The following XRCC5 variants were observed in gnomAD, a reference collection of about 807,000 sequenced individuals.
XRCC5 encodes DNA repair protein Ku80.
Under a neutral mutation model 95.7 loss-of-function variants are expected in XRCC5, and 12 were observed. The observed-to-expected ratio is 0.13, with a 90% CI of 0.08 to 0.20. The LOEUF (loss-of-function observed/expected upper bound fraction) is 0.20. Ranked by LOEUF, XRCC5 falls within the 10% of genes least tolerant of loss-of-function variation. The pLI, the probability that XRCC5 is intolerant of heterozygous loss-of-function variation, is 1.00. For missense variants in XRCC5, 595 were observed against 873.9 expected (o/e 0.68, Z 4.02); for synonymous variants, 281 against 290.3 (o/e 0.97, Z 0.33).
At chr2:216,114,432 G>C (rs1444485989) in intron 2 of XRCC5, among the ~76,000 whole-genome samples, 1 of 152,066 alleles carries the variant, frequency 6.6e-6, no homozygotes, top group African/African-American at 2.4e-5. Context: ...CTTGGTTATA[G>C]TTGTGTTGGT....
In XRCC5 at chr2:216,167,709, C is replaced by T. The variant is rs542630016; in HGVS notation, c.1834+5661C>T. Among the ~76,000 whole-genome samples the T allele has an allele frequency of 3.2e-4, 48 of 151,678 alleles. 2 individuals carry two copies. The South Asian group carries it at 9.6e-3, about 30-fold the overall frequency. The stretch of plus-strand genomic sequence containing the variant: ...GATAGATAAGAAGATAAAAATATGG[C>T]GTTTTTCTACACAGCGCTGGTAAAT... On this transcript the variant is annotated intron_variant, in intron 16 of 20. Coordinates refer to ENST00000392132, the MANE Select transcript of XRCC5 (RefSeq NM_021141.4).
chr2:216,139,665 G>C (rs1697143798), intron 12 of XRCC5, among the ~76,000 whole-genome samples: 1 of 152,060 alleles, frequency 6.6e-6, no homozygotes. Context: ...CGCCACCGTG[G>C]CTGGCTCATT....
chr2:216,159,361 TA>T (rs1439793524), intron 14 of XRCC5, among the ~76,000 whole-genome samples: 4 of 148,834 alleles, frequency 2.7e-5, no homozygotes, highest in African/African-American at 5.2e-5. Flanking sequence ...GACAGGCTGT[TA>T]AAGCCAGCAT....
chr2:216,146,731 A>AC (rs1688642903), intron 13 of XRCC5, among the ~76,000 whole-genome samples: 1 of 152,126 alleles, frequency 6.6e-6, no homozygotes, highest in Admixed American at 6.5e-5. Flanking sequence ...TAGGTGGTTG[A>AC]ATGAGGTGGC....
At chr2:216,179,648 G>A (rs946957869) in intron 16 of XRCC5, among the ~76,000 whole-genome samples, 2 of 152,152 alleles carry the variant, frequency 1.3e-5, no homozygotes, top group Non-Finnish European at 2.9e-5. Context: ...ATGTTCTTGA[G>A]AAGCTCAAGA....
intron 7 of XRCC5, among the ~76,000 whole-genome samples, chr2:216,126,766 T>C (rs1439319315): frequency 6.6e-6 from 1 of 152,182 alleles, no homozygotes; most frequent in Non-Finnish European, 1.5e-5. Context: ...TGTGAGAACC[T>C]TGGGGCAGTT....
intron 12 of XRCC5, among the ~76,000 whole-genome samples, chr2:216,140,956 C>T (rs944435284): frequency 6.6e-6 from 1 of 152,124 alleles, no homozygotes; most frequent in Non-Finnish European, 1.5e-5. Context: ...TTGTCAGAGG[C>T]TCACTGAATG....
At position 216,178,040 on chromosome 2, in the gene XRCC5, GAGTAATAAACAAAAAGAACAA is replaced by G; in HGVS notation, c.1835-12180_1835-12160del. On this transcript the variant is annotated intron_variant, in intron 16 of 20. Transcript: ENST00000392132. ...TTTCACCACTGCTCTTTAAGTATAT[GAGTAATAAACAAAAAGAACAA>G]AGTATGTGGTTCAGAAGGAATAAAA... is the stretch of plus-strand genomic sequence containing the variant. Among the ~76,000 whole-genome samples, 4 of 152,106 alleles carry G rather than the reference GAGTAATAAACAAAAAGAACAA, an allele frequency of 2.6e-5. No individual in the cohort carries two copies. In the South Asian group the frequency reaches 8.3e-4, roughly 32 times the overall value.
chr2:216,114,008 GGAGA>G (rs754077863), intron 2 of XRCC5, among the ~76,000 whole-genome samples: 1 of 152,094 alleles, frequency 6.6e-6, no homozygotes, highest in Non-Finnish European at 1.5e-5. Flanking sequence ...GCAAATACAA[GGAGA>G]GAAAGAACGG....
chr2:216,138,025 A>T (rs1288201809), intron 11 of XRCC5, 64 bp from the exon 12 acceptor site: 19 of 1,360,686 alleles, frequency 1.4e-5, no homozygotes, highest in Non-Finnish European at 2.0e-6. Context: ...AGAATTTGGG[A>T]TCAGTTTTAT....
chr2:216,174,987 G>A, intron 16 of XRCC5: 3 of 321,614 alleles, frequency 9.3e-6, no homozygotes, highest in South Asian at 6.3e-5. Flanking sequence ...CACCAAAACT[G>A]CACCCTTTAA....
intron 15 of XRCC5, among the ~76,000 whole-genome samples, chr2:216,161,085 A>G (rs946593194): frequency 2.2e-4 from 34 of 152,354 alleles, no homozygotes; most frequent in African/African-American, 7.9e-4. Flanking sequence ...TAGGAAGGAT[A>G]GTCAGGGAAT....
chr2:216,120,924 T>G (rs1332361020), intron 5 of XRCC5, among the ~76,000 whole-genome samples: 1 of 152,028 alleles, frequency 6.6e-6, no homozygotes, highest in Non-Finnish European at 1.5e-5. Context: ...TTAGTAGAGA[T>G]GGGGTTTTAC....
chr2:216,179,404 T>G (rs905157721), intron 16 of XRCC5, among the ~76,000 whole-genome samples: 10 of 152,062 alleles, frequency 6.6e-5, no homozygotes, highest in Non-Finnish European at 1.0e-4. Flanking sequence ...CGTTGTGAGG[T>G]TTTGGTAAGG....
At chr2:216,161,920 TG>T in intron 15 of XRCC5, 58 bp from the exon 16 acceptor site, 1 of 1,440,134 alleles carries the variant, frequency 6.9e-7, no homozygotes, top group Non-Finnish European at 9.8e-7. Flanking sequence ...TTGTATTGCC[TG>T]GGGTGCTGCT....
At chr2:216,168,191 C>T (rs563722616) in intron 16 of XRCC5, among the ~76,000 whole-genome samples, 4 of 152,174 alleles carry the variant, frequency 2.6e-5, no homozygotes, top group Non-Finnish European at 4.4e-5. Flanking sequence ...TTCATGTGGG[C>T]GGACTGAGGC....
In XRCC5 at chr2:216,142,611, T is replaced by C. The variant is rs151107049; in HGVS notation, c.1476+1292T>C. Among the ~76,000 whole-genome samples the C allele has an allele frequency of 4.3e-3, 653 of 152,256 alleles. 3 individuals are homozygous for C. The highest frequency in any genetic ancestry group is 0.015 in the African/African-American group (633 of 41,536). On this transcript the variant is annotated intron_variant, in intron 13 of 20. Coordinates refer to ENST00000392132, the MANE Select transcript of XRCC5 (RefSeq NM_021141.4). Reference sequence around the variant, plus strand: ...CCACAAAACTGAAAAAAAAATTATATAAGCAGCTTTTTAAGGCAAGCTGTT... The same window carrying C: ...CCACAAAACTGAAAAAAAAATTATACAAGCAGCTTTTTAAGGCAAGCTGTT...
Position 216,130,856 on chromosome 2 carries a change from C to G in XRCC5, c.938-19C>G, listed in dbSNP as rs201899282. The G allele has an allele frequency of 6.4e-7, 1 of 1,560,252 alleles. No individual in the cohort carries two copies. Among genetic ancestry groups the G allele is most frequent in the East Asian group, 2.2e-5 (1 of 44,474 alleles). On this transcript the variant is annotated intron_variant, in intron 8 of 20. Coordinates refer to ENST00000392132, the MANE Select transcript of XRCC5 (RefSeq NM_021141.4). ...TGAGGCCCCATATGCTTAACAGATG[C>G]TCTTCTCTTTTTCTCCAGGGTTCCG...
In XRCC5 at chr2:216,113,025, G is replaced by T. The variant is rs775220412; in HGVS notation, c.31G>T (p.Val11Leu). Residue 11 changes from valine (V) to leucine (L), a missense_variant, in exon 2 of 21, where the codon GTG becomes TTG. Val to Leu is a conservative substitution (Grantham distance 32, BLOSUM62 1). This residue lies in a region of XRCC5 where 286 missense variants were observed against 491.1 expected (regional missense o/e 0.58). Transcript: ENST00000392132. MVRSGNKAAV[V>L]LCMDVGFTMS... ...GGAACTTTGTTTCCAGGCAGCTGTTGTGCTGTGTATGGACGTGGGCTTTAC... is the reference window on the plus strand; with the variant it reads ...GGAACTTTGTTTCCAGGCAGCTGTTTTGCTGTGTATGGACGTGGGCTTTAC... 6.2e-7 allele frequency: 1 copy of T among 1,613,020 alleles called. No individual in the cohort carries two copies. The highest frequency in any genetic ancestry group is 8.5e-7 in the Non-Finnish European group (1 of 1,179,614).
Sources: allele counts gnomAD v4.1 joint callset (sites outside exome capture counted in the v4.1 genomes callset), GRCh38; gene constraint gnomAD v4.1.1; regional missense constraint gnomAD v4.1.1; transcripts MANE v1.5; gene names NCBI Gene and HGNC (gene_info 2026-07-23, HGNC 2026-07-21).